The following CACNA1E variants were observed in gnomAD, a reference collection of about 807,000 sequenced individuals.
CACNA1E encodes calcium voltage-gated channel subunit alpha1 E.
In CACNA1E, 40 loss-of-function variants were observed where a neutral mutation model predicts 259.2. That is an observed-to-expected ratio of 0.15 (90% CI 0.12 to 0.20). The LOEUF (loss-of-function observed/expected upper bound fraction) is 0.20. Among genes scored for constraint, CACNA1E ranks in the 10% least tolerant of loss-of-function variants. The probability of loss-of-function intolerance (pLI) is 1.00; values close to 1 mark genes in which losing one functional copy is unlikely to be tolerated. For missense variants in CACNA1E, 1,874 were observed against 3,040.1 expected (o/e 0.62, Z 9.02); for synonymous variants, 1,104 against 1,138.5 (o/e 0.97, Z 0.61).
intron 2 of CACNA1E, among the ~76,000 whole-genome samples, chr1:181,469,463 A>G (rs912522139): frequency 1.3e-5 from 2 of 151,358 alleles, no homozygotes; most frequent in African/African-American, 4.9e-5. Context: ...TTTGCTTTTA[A>G]ACAAACTGAT....
intron 26 of CACNA1E, among the ~76,000 whole-genome samples, chr1:181,751,166 T>G (rs1382749681): frequency 6.6e-6 from 1 of 152,240 alleles, no homozygotes; most frequent in African/African-American, 2.4e-5. Flanking sequence ...ACCATTTGTG[T>G]GTTTTATAAA....
At chr1:181,395,691 T>C (rs939730425) in intron 1 of CACNA1E, among the ~76,000 whole-genome samples, 1 of 152,172 alleles carries the variant, frequency 6.6e-6, no homozygotes, top group African/African-American at 2.4e-5. Flanking sequence ...AAGAGCGGCA[T>C]GAGGGCCTCC....
chr1:181,484,137 C>G, intron 1 of CACNA1E, 127 bp downstream of exon 1: 1 of 912,724 alleles, frequency 1.1e-6, no homozygotes, highest in Non-Finnish European at 1.8e-6. Flanking sequence ...CTGAAGCACA[C>G]TCTTCGGTGC....
At chr1:181,478,259 G>T (rs1398274510) in intron 2 of CACNA1E, among the ~76,000 whole-genome samples, 1 of 152,234 alleles carries the variant, frequency 6.6e-6, no homozygotes, top group East Asian at 1.9e-4. Flanking sequence ...AACCAACTTT[G>T]CTGACCTGTG....
chr1:181,388,253 T>G (rs1571736350), intron 1 of CACNA1E, among the ~76,000 whole-genome samples: 1 of 152,312 alleles, frequency 6.6e-6, no homozygotes, highest in Admixed American at 6.5e-5. Context: ...GCTCCTTATC[T>G]GCGGTAACGT....
At chr1:181,621,956 A>T (rs1655766460) in intron 6 of CACNA1E, among the ~76,000 whole-genome samples, 1 of 152,138 alleles carries the variant, frequency 6.6e-6, no homozygotes, top group Non-Finnish European at 1.5e-5. Flanking sequence ...CCCTTCCTCA[A>T]GGGGCATACA....
At chr1:181,469,429 T>C (rs1662353513) in intron 2 of CACNA1E, among the ~76,000 whole-genome samples, 2 of 152,148 alleles carry the variant, frequency 1.3e-5, no homozygotes, top group South Asian at 4.1e-4. Context: ...AGGAGGGAGC[T>C]GGTTTGTAGA....
At chr1:181,537,436 C>T (rs530375678) in intron 3 of CACNA1E, among the ~76,000 whole-genome samples, 58 of 152,252 alleles carry the variant, frequency 3.8e-4, no homozygotes, top group Non-Finnish European at 7.5e-4. Context: ...TAGCTACTTT[C>T]TGTCCAGAGG....
At chr1:181,355,710 A>T (rs1557937595) in intron 1 of CACNA1E, among the ~76,000 whole-genome samples, 1 of 152,232 alleles carries the variant, frequency 6.6e-6, no homozygotes. Context: ...TTAAAAAAAT[A>T]TGCAAAGGCC....
intron 1 of CACNA1E, among the ~76,000 whole-genome samples, chr1:181,387,714 G>A (rs1425581937): frequency 6.6e-6 from 1 of 152,188 alleles, no homozygotes; most frequent in East Asian, 1.9e-4. Flanking sequence ...ATCCTGCCCT[G>A]GCAGAGTCTT....
chr1:181,437,426 G>A (rs1660167498), intron 2 of CACNA1E, among the ~76,000 whole-genome samples: 1 of 151,934 alleles, frequency 6.6e-6, no homozygotes, highest in Non-Finnish European at 1.5e-5. Context: ...CCATTTCTCT[G>A]CTCTCCTGTA....
Position 181,509,564 on chromosome 1 carries a change from T to G in CACNA1E, c.267-913T>G, listed in dbSNP as rs556467101. ...GTAATCACAGAATGAAATTCCAACA[T>G]GCAGAATGACAGCACTGGGAGCTGG... On this transcript the variant is annotated intron_variant, in intron 1 of 47. Transcript: ENST00000367573. Among the ~76,000 whole-genome samples, 47 of 152,310 alleles carry G rather than the reference T, an allele frequency of 3.1e-4. 1 individual carries two copies. In the South Asian group the frequency reaches 9.5e-3, roughly 31 times the overall value.
chr1:181,330,994 G>A (rs181875027), intron 1 of CACNA1E, among the ~76,000 whole-genome samples: 1 of 152,314 alleles, frequency 6.6e-6, no homozygotes, highest in East Asian at 1.9e-4. Flanking sequence ...GGCAAGCAGA[G>A]CTCTAGCTGG....
chr1:181,441,444 C>T (rs1216485155), intron 2 of CACNA1E, among the ~76,000 whole-genome samples: 1 of 152,226 alleles, frequency 6.6e-6, no homozygotes, highest in Non-Finnish European at 1.5e-5. Context: ...GCCACCGCAC[C>T]TGGCCCAATT....
At chr1:181,633,048 AAGAG>A (rs1269475344) in intron 6 of CACNA1E, among the ~76,000 whole-genome samples, 2 of 152,086 alleles carry the variant, frequency 1.3e-5, no homozygotes, top group African/African-American at 4.8e-5. Flanking sequence ...AGCTCTGCAA[AAGAG>A]AATTGCAAGC....
intron 2 of CACNA1E, among the ~76,000 whole-genome samples, chr1:181,468,935 T>C (rs1184378479): frequency 6.6e-6 from 1 of 152,228 alleles, no homozygotes; most frequent in Admixed American, 6.5e-5. Flanking sequence ...GGACTTAGAC[T>C]GGATGACATT....
chr1:181,553,746 T>A (rs916863206), intron 3 of CACNA1E, among the ~76,000 whole-genome samples: 1 of 152,240 alleles, frequency 6.6e-6, no homozygotes, highest in East Asian at 1.9e-4. Flanking sequence ...CTTTTCTGCA[T>A]CTATTGAGAT....
At chr1:181,579,280 G>A in intron 5 of CACNA1E, 56 bp downstream of exon 5, 1 of 1,435,268 alleles carries the variant, frequency 7.0e-7, no homozygotes, top group Non-Finnish European at 9.5e-7. Flanking sequence ...GTTAACTGGG[G>A]TAATTTCAGG....
chr1:181,428,629 G>T (rs1659481738), intron 2 of CACNA1E, among the ~76,000 whole-genome samples: 1 of 152,096 alleles, frequency 6.6e-6, no homozygotes, highest in Admixed American at 6.5e-5. Context: ...TTGGGCCCCA[G>T]TGGTGGGTTT....
Sources: gnomAD v4.1 joint callset for allele counts (sites outside exome capture counted in the v4.1 genomes callset) on GRCh38, gnomAD v4.1.1 for gene constraint, MANE v1.5 for transcripts, NCBI Gene and HGNC (gene_info 2026-07-23, HGNC 2026-07-21) for gene names.